Variants in DAB1 observed in about 807,000 individuals in gnomAD.
DAB1 encodes disabled homolog 1.
A neutral mutation model predicts 64.6 loss-of-function variants in DAB1; 15 were observed. The ratio of observed to expected loss-of-function variants is 0.23; its 90% CI spans 0.16 to 0.36. The LOEUF is 0.36. DAB1 is among the 10% of genes least tolerant of loss of function. DAB1 has a pLI of 1.00. For missense variants in DAB1, 596 were observed against 706.7 expected (o/e 0.84, Z 1.78); for synonymous variants, 235 against 251.9 (o/e 0.93, Z 0.64).
chr1:57,734,453 C>T (rs1469440027), intron 6 of DAB1, among the ~76,000 whole-genome samples: 2 of 152,212 alleles, frequency 1.3e-5, no homozygotes, highest in Non-Finnish European at 2.9e-5. Flanking sequence ...GGATTTATAA[C>T]TCCAACCCCA....
chr1:58,426,833 C>A (rs1312952971), intron 3 of DAB1, among the ~76,000 whole-genome samples: 2 of 152,136 alleles, frequency 1.3e-5, no homozygotes, highest in Non-Finnish European at 2.9e-5. Context: ...TACTCTATTA[C>A]ATGGTGATAA....
intron 4 of DAB1, among the ~76,000 whole-genome samples, chr1:58,186,436 T>G (rs1274735157): frequency 6.6e-6 from 1 of 152,222 alleles, no homozygotes; most frequent in Non-Finnish European, 1.5e-5. Flanking sequence ...GAATAGCAGT[T>G]ATTTTATTAA....
chr1:57,490,559 T>C (rs528770147), intron 7 of DAB1, among the ~76,000 whole-genome samples: 10 of 152,348 alleles, frequency 6.6e-5, no homozygotes, highest in Admixed American at 2.0e-4. Flanking sequence ...AACTTCCTTA[T>C]GTGAGTGTTT....
At chr1:57,529,792 G>C (rs1644639255) in intron 7 of DAB1, among the ~76,000 whole-genome samples, 1 of 152,102 alleles carries the variant, frequency 6.6e-6, no homozygotes. Flanking sequence ...AGCTTCATTT[G>C]TAATTGTAAC....
rs1160962626 is a variant in DAB1 at position 57,755,821 on chromosome 1, T to G, written n.552-106156A>C. ...CTGCCACGTACAGAGCTCTGATCCTTAATACTGTCATTACTGGGTCCCGTT... is the reference window on the plus strand; with the variant it reads ...CTGCCACGTACAGAGCTCTGATCCTGAATACTGTCATTACTGGGTCCCGTT... On this transcript the variant is annotated intron_variant and non_coding_transcript_variant, in intron 6 of 20. Coordinates refer to the DAB1 transcript ENST00000485760. 7.2e-5 allele frequency among the ~76,000 whole-genome samples: 11 copies of G among 152,182 alleles called. 1 individual carries two copies. Among genetic ancestry groups the G allele is most frequent in the Non-Finnish European group, 1.6e-4 (11 of 68,024 alleles).
intron 7 of DAB1, among the ~76,000 whole-genome samples, chr1:57,436,562 G>T (rs922211319): frequency 3.3e-5 from 5 of 152,100 alleles, no homozygotes; most frequent in Admixed American, 6.5e-5. Context: ...TGTTATACCC[G>T]TAATATAAAC....
chr1:57,746,528 C>T (rs1042365563), intron 6 of DAB1, among the ~76,000 whole-genome samples: 2 of 152,038 alleles, frequency 1.3e-5, no homozygotes, highest in Non-Finnish European at 2.9e-5. Context: ...ATTTCCTTTA[C>T]CCATTTTTTA....
intron 4 of DAB1, among the ~76,000 whole-genome samples, chr1:58,199,111 A>G (rs774879492): frequency 3.9e-4 from 60 of 152,284 alleles, no homozygotes; most frequent in East Asian, 7.7e-4. Context: ...AGTCTCAAAA[A>G]CAAAAAACAA....
At chr1:57,883,665 A>G (rs1473663360) in intron 1 of DAB1, among the ~76,000 whole-genome samples, 1 of 152,204 alleles carries the variant, frequency 6.6e-6, no homozygotes, top group Non-Finnish European at 1.5e-5. Context: ...GTTTCTGTGA[A>G]CATTTCTTTT....
At chr1:57,772,249 C>T (rs146449480) in intron 6 of DAB1, among the ~76,000 whole-genome samples, 65 of 152,270 alleles carry the variant, frequency 4.3e-4, no homozygotes, top group African/African-American at 1.5e-3. Context: ...CAAGAAGACT[C>T]TCACCAGACC....
chr1:57,374,034 T>C (rs146028555), intron 1 of DAB1, among the ~76,000 whole-genome samples: 192 of 152,328 alleles, frequency 1.3e-3, no homozygotes, highest in African/African-American at 4.3e-3. Flanking sequence ...AACCTTTCTA[T>C]GGTAAATCCA....
chr1:57,648,340 C>T (rs1308121708), intron 7 of DAB1, among the ~76,000 whole-genome samples: 1 of 152,126 alleles, frequency 6.6e-6, no homozygotes, highest in African/African-American at 2.4e-5. Context: ...TCTCATTGAA[C>T]TCTATTCATT....
At chr1:57,844,505 A>G (rs1335641511) in intron 1 of DAB1, among the ~76,000 whole-genome samples, 2 of 152,166 alleles carry the variant, frequency 1.3e-5, no homozygotes, top group African/African-American at 2.4e-5. Context: ...CTTTCTGAAG[A>G]TTGGGTCCAG....
At chr1:57,972,147 T>C (rs1191966211) in intron 5 of DAB1, among the ~76,000 whole-genome samples, 1 of 152,232 alleles carries the variant, frequency 6.6e-6, no homozygotes, top group Non-Finnish European at 1.5e-5. Context: ...TTTTTGTTAA[T>C]GTGTCATTCT....
At chr1:57,794,959 A>G (rs539942288) in intron 6 of DAB1, among the ~76,000 whole-genome samples, 6 of 152,324 alleles carry the variant, frequency 3.9e-5, no homozygotes, top group African/African-American at 1.4e-4. Flanking sequence ...TCCTCATGGG[A>G]AGATGGCACT....
At chr1:58,331,431 G>T (rs1307679744) in intron 4 of DAB1, among the ~76,000 whole-genome samples, 2 of 152,154 alleles carry the variant, frequency 1.3e-5, no homozygotes, top group South Asian at 2.1e-4. Flanking sequence ...GCAGGAACAG[G>T]GTTTGAGAAG....
intron 5 of DAB1, among the ~76,000 whole-genome samples, chr1:57,940,868 C>T (rs1034146430): frequency 1.3e-5 from 2 of 152,168 alleles, no homozygotes; most frequent in Non-Finnish European, 2.9e-5. Context: ...CTTTTCATTA[C>T]TCCAGTGATA....
At chr1:57,230,700 T>C (rs1251369874) in intron 2 of DAB1, among the ~76,000 whole-genome samples, 1 of 152,138 alleles carries the variant, frequency 6.6e-6, no homozygotes, top group Non-Finnish European at 1.5e-5. Context: ...TAATGTGTAA[T>C]GATCAAATCA....
intron 6 of DAB1, among the ~76,000 whole-genome samples, chr1:57,812,505 G>A (rs531871534): frequency 4.6e-5 from 7 of 152,216 alleles, no homozygotes; most frequent in South Asian, 2.1e-4. Context: ...AGGGGAGGCC[G>A]CAGATAGAGG....
Sources: allele counts gnomAD v4.1 joint callset (sites outside exome capture counted in the v4.1 genomes callset), GRCh38; gene constraint gnomAD v4.1.1; transcripts MANE v1.5; gene names NCBI Gene and HGNC (gene_info 2026-07-23, HGNC 2026-07-21).